Variants in CSF3 observed in about 807,000 individuals in gnomAD.
CSF3 encodes the protein colony stimulating factor 3, also known as granulocyte colony-stimulating factor.
Under a neutral mutation model 20.2 loss-of-function variants are expected in CSF3, and 17 were observed. The ratio of observed to expected loss-of-function variants is 0.84; its 90% CI spans 0.58 to 1.26. The LOEUF (loss-of-function observed/expected upper bound fraction) is 1.26. Among genes scored for constraint, CSF3 ranks in the 50% most tolerant of loss-of-function variants. The pLI, the probability that CSF3 is intolerant of heterozygous loss-of-function variation, is 0.00. For synonymous variants in CSF3, 125 were observed against 115.3 expected (o/e 1.08, Z -0.54); for missense variants, 210 against 256.0 (o/e 0.82, Z 1.23).
chr17:40,015,614 T>G, intron 1 of CSF3, 77 bp from the exon 2 acceptor site: 1 of 1,545,422 alleles, frequency 6.5e-7, no homozygotes, highest in African/African-American at 1.4e-5. Flanking sequence ...GGAATGGGGA[T>G]TAAAGGCACC....
rs1981448489 is a variant in CSF3 at position 40,017,096 on chromosome 17, C to T, written c.*137C>T. On this transcript the variant is annotated 3_prime_UTR_variant, in exon 5 of 5. Transcript: ENST00000394149. Reference sequence around the variant, plus strand: ...TCCCTGCATTTCTGAGTTTCATTCTCCTGCCTGTAGCAGTGAGAAAAAGCT... The same window carrying T: ...TCCCTGCATTTCTGAGTTTCATTCTTCTGCCTGTAGCAGTGAGAAAAAGCT... The T allele has an allele frequency of 1.2e-6, 1 of 840,700 alleles. No homozygotes were observed. 52.1% of individuals were successfully genotyped at this position (840,700 alleles called of 1,614,324 possible).
Position 40,016,353 on chromosome 17 carries a change from A to G in CSF3, c.303+13A>G, listed in dbSNP as rs924952230. On this transcript the variant is annotated intron_variant, in intron 3 of 4. Coordinates refer to ENST00000394149, the MANE Select transcript of CSF3 (RefSeq NM_172219.3). ...GGCCCTGCAGCTGGTGAGTGTCAGG[A>G]AAGGATAAGGCTAATGAGGAGGGGG... The G allele has an allele frequency of 1.2e-6, 2 of 1,611,952 alleles. No homozygotes were observed. The highest frequency in any genetic ancestry group is 8.5e-7 in the Non-Finnish European group (1 of 1,178,656).
rs1403771707 is a variant in CSF3 at position 40,017,051 on chromosome 17, G to T, written c.*92G>T. ...TAAAGACAGGGAAGAGCAGAACGGA[G>T]CCCCAGGCCTCTGTGTCCTTCCCTG... On this transcript the variant is annotated 3_prime_UTR_variant, in exon 5 of 5. Transcript: ENST00000394149. The T allele has an allele frequency of 1.9e-5, 24 of 1,254,736 alleles. No homozygotes were observed. Among genetic ancestry groups the T allele is most frequent in the Non-Finnish European group, 2.6e-5 (24 of 935,986 alleles). The allele number at this position is 1,254,736 out of a possible 1,614,324, so 77.7% of individuals were successfully genotyped here.
chr17:40,017,237 CCCTGGTCCTGAGGGTCCCCA>C lies in CSF3; in HGVS notation c.*284_*303del. 1 of 282,704 alleles carries C rather than the reference CCCTGGTCCTGAGGGTCCCCA, an allele frequency of 3.5e-6. No homozygotes were observed. The highest frequency in any genetic ancestry group is 6.5e-6 in the Non-Finnish European group (1 of 152,690). 17.5% of individuals were successfully genotyped at this position (282,704 alleles called of 1,614,324 possible). A position where few individuals can be genotyped will look rare whatever the true frequency, so the allele number is the denominator to read the frequency against. ...GGCACTGGGATGAGCCGCTGTGAGC[CCCTGGTCCTGAGGGTCCCCA>C]CCTGGGACCCTTGAGAGTATCAGGT... On this transcript the variant is annotated 3_prime_UTR_variant, in exon 5 of 5. Coordinates refer to ENST00000394149, the MANE Select transcript of CSF3 (RefSeq NM_172219.3).
In CSF3 at chr17:40,015,499, C is replaced by T; in HGVS notation, c.25C>T (p.Pro9Ser). Residue 9 changes from proline (P) to serine (S), a missense_variant, in exon 1 of 5, where the codon CCC (proline) becomes TCC (serine). Pro to Ser is a moderately conservative substitution (Grantham distance 74). Transcript: ENST00000394149. ...CATGGCTGGACCTGCCACCCAGAGC[C>T]CCATGAAGCTGATGGGTGAGTGTCT... MAGPATQS[P>S]MKLMALQLLL... 1.9e-6 allele frequency: 3 copies of T among 1,551,444 alleles called. No homozygotes were observed. The highest frequency in any genetic ancestry group is 1.7e-6 in the Non-Finnish European group (2 of 1,146,984).
chr17:40,015,939 G>A (rs2227324), intron 2 of CSF3, 94 bp downstream of exon 2: 1,340,650 of 1,468,036 alleles, frequency 0.91, 613,491 homozygotes, highest in Non-Finnish European at 0.93. Context: ...TGGAAGGGAC[G>A]TGGGAGAATA....
At position 40,017,275 on chromosome 17, in the gene CSF3, T is replaced by C. The variant is rs963226869; in HGVS notation, c.*316T>C. On this transcript the variant is annotated 3_prime_UTR_variant, in exon 5 of 5. Coordinates refer to ENST00000394149, the MANE Select transcript of CSF3 (RefSeq NM_172219.3). ...GGTCCCCACCTGGGACCCTTGAGAG[T>C]ATCAGGTCTCCCACGTGGGAGACAA... 4.8e-5 allele frequency: 10 copies of C among 209,196 alleles called. No homozygotes were observed. Among genetic ancestry groups the C allele is most frequent in the Non-Finnish European group, 8.5e-5 (9 of 105,808 alleles). 13.0% of individuals were successfully genotyped at this position (209,196 alleles called of 1,614,324 possible). A position where few individuals can be genotyped will look rare whatever the true frequency, so the allele number is the denominator to read the frequency against.
intron 4 of CSF3, 26 bp downstream of exon 4, chr17:40,016,657 A>C: frequency 6.2e-7 from 1 of 1,613,620 alleles, no homozygotes; most frequent in Non-Finnish European, 8.5e-7. Context: ...CAGGGTGGCC[A>C]AGGTCGTGCT....
intron 2 of CSF3, 175 bp downstream of exon 2, chr17:40,016,020 G>A (rs1007351327): frequency 1.3e-5 from 13 of 1,039,866 alleles, no homozygotes; most frequent in African/African-American, 4.9e-5. Flanking sequence ...GACAGTGCTC[G>A]GGAGGGCTGG....
intron 2 of CSF3, 111 bp downstream of exon 2, chr17:40,015,956 G>A: frequency 7.0e-7 from 1 of 1,424,000 alleles, no homozygotes; most frequent in Non-Finnish European, 9.4e-7. Flanking sequence ...AATATTAGGA[G>A]CAGTGGAGCT....
Position 40,017,033 on chromosome 17 carries a change from A to T in CSF3, c.*74A>T, listed in dbSNP as rs1981443697. The T allele has an allele frequency of 7.2e-7, 1 of 1,392,052 alleles. No homozygotes were observed. The highest frequency in any genetic ancestry group is 1.5e-5 in the African/African-American group (1 of 68,120). 86.2% of individuals were successfully genotyped at this position (1,392,052 alleles called of 1,614,324 possible). A position where few individuals can be genotyped will look rare whatever the true frequency, so the allele number is the denominator to read the frequency against. On this transcript the variant is annotated 3_prime_UTR_variant, in exon 5 of 5. Coordinates refer to ENST00000394149, the MANE Select transcript of CSF3 (RefSeq NM_172219.3). ...CTATTTAAGCCTCATATTTAAAGAC[A>T]GGGAAGAGCAGAACGGAGCCCCAGG...
intron 2 of CSF3, 73 bp downstream of exon 2, chr17:40,015,918 C>T: frequency 6.6e-7 from 1 of 1,512,390 alleles, no homozygotes; most frequent in South Asian, 1.3e-5. Context: ...AACTGCAGGG[C>T]CAACATCCTC....
rs904527839 is a variant in CSF3 at position 40,015,446 on chromosome 17, G to A, written c.-29G>A. 1.4e-5 allele frequency: 21 copies of A among 1,548,194 alleles called. No homozygotes were observed. In the African/African-American group the frequency reaches 1.9e-4, roughly 14 times the overall value. On this transcript the variant is annotated 5_prime_UTR_variant, in exon 1 of 5. Transcript: ENST00000394149. ...TAGAGCTGGGCCCCAAAACAGCCCG[G>A]AGCCTGCAGCCCAGCCCCACCCAGA... is the stretch of plus-strand genomic sequence containing the variant.
In CSF3 at chr17:40,016,526, C is replaced by T; in HGVS notation, c.345C>T (p.Tyr115=). ...LSQLHSGLFL[Y]QGLLQALEGI... is the part of the protein sequence containing the mutation. Reference sequence around the variant, plus strand: ...AACTCCATAGCGGCCTTTTCCTCTACCAGGGGCTCCTGCAGGCCCTGGAAG... The same window carrying T: ...AACTCCATAGCGGCCTTTTCCTCTATCAGGGGCTCCTGCAGGCCCTGGAAG... Residue 115 remains tyrosine, a synonymous_variant, in exon 4 of 5, where the codon TAC becomes TAT. Coordinates refer to ENST00000394149, the MANE Select transcript of CSF3 (RefSeq NM_172219.3). 1.2e-6 allele frequency: 2 copies of T among 1,614,196 alleles called. No homozygotes were observed. The highest frequency in any genetic ancestry group is 8.5e-7 in the Non-Finnish European group (1 of 1,180,026).
At position 40,017,274 on chromosome 17, in the gene CSF3, G is replaced by T; in HGVS notation, c.*315G>T. ...GGGTCCCCACCTGGGACCCTTGAGA[G>T]TATCAGGTCTCCCACGTGGGAGACA... On this transcript the variant is annotated 3_prime_UTR_variant, in exon 5 of 5. Coordinates refer to ENST00000394149, the MANE Select transcript of CSF3 (RefSeq NM_172219.3). The T allele has an allele frequency of 4.7e-6, 1 of 213,856 alleles. No individual in the cohort carries two copies. Among genetic ancestry groups the T allele is most frequent in the Non-Finnish European group, 9.2e-6 (1 of 108,606 alleles). The allele number at this position is 213,856 out of a possible 1,614,324, so 13.2% of individuals were successfully genotyped here. A position where few individuals can be genotyped will look rare whatever the true frequency, so the allele number is the denominator to read the frequency against.
Position 40,015,818 on chromosome 17 carries a change from C to G in CSF3, c.168C>G (p.Gly56=), listed in dbSNP as rs146352938. The G allele has an allele frequency of 4.8e-5, 77 of 1,610,768 alleles. No homozygotes were observed. In the African/African-American group the frequency reaches 9.5e-4, roughly 20 times the overall value. The change falls in exon 2 of 5, where the codon GGC becomes GGG. Residue 56 remains glycine (G), a synonymous_variant. Coordinates refer to ENST00000394149, the MANE Select transcript of CSF3 (RefSeq NM_172219.3). ...KCLEQVRKIQ[G]DGAALQEKLC... The stretch of plus-strand genomic sequence containing the variant: ...TAGAGCAAGTGAGGAAGATCCAGGG[C>G]GATGGCGCAGCGCTCCAGGAGAAGC...
At position 40,015,450 on chromosome 17, in the gene CSF3, C is replaced by G. The variant is rs954193254; in HGVS notation, c.-25C>G. 1.3e-6 allele frequency: 2 copies of G among 1,549,478 alleles called. No individual in the cohort carries two copies. The highest frequency in any genetic ancestry group is 4.9e-5 in the East Asian group (2 of 40,926). ...GCTGGGCCCCAAAACAGCCCGGAGC[C>G]TGCAGCCCAGCCCCACCCAGACCCA... On this transcript the variant is annotated 5_prime_UTR_variant, in exon 1 of 5. Transcript: ENST00000394149.
In CSF3 at chr17:40,016,949, C is replaced by A; in HGVS notation, c.605C>A (p.Ala202Asp). ...TCGTACCGCGTTCTACGCCACCTTG[C>A]CCAGCCCTGAGCCAAGCCCTCCCCA... is the stretch of plus-strand genomic sequence containing the variant. ...EVSYRVLRHL[A>D]QP is the part of the protein sequence containing the mutation. The change falls in exon 5 of 5, where the codon GCC (alanine) becomes GAC (aspartate). Residue 202 changes from alanine (A) to aspartate (D), a missense_variant. Transcript: ENST00000394149. 1 of 1,591,352 alleles carries A rather than the reference C, an allele frequency of 6.3e-7. No homozygotes were observed. The highest frequency in any genetic ancestry group is 8.6e-7 in the Non-Finnish European group (1 of 1,167,784).
chr17:40,016,539 C>G lies in CSF3; in HGVS notation c.358C>G (p.Gln120Glu). 2 of 1,614,212 alleles carry G rather than the reference C, an allele frequency of 1.2e-6. 1 individual carries two copies. The highest frequency in any genetic ancestry group is 3.3e-4 in the Middle Eastern group (2 of 6,062). The stretch of plus-strand genomic sequence containing the variant: ...CCTTTTCCTCTACCAGGGGCTCCTG[C>G]AGGCCCTGGAAGGGATCTCCCCCGA... ...SGLFLYQGLL[Q>E]ALEGISPELG... Residue 120 changes from glutamine to glutamate, a missense_variant, in exon 4 of 5, where the codon CAG (glutamine) becomes GAG (glutamate). Physicochemically the swap from Gln to Glu is conservative, Grantham distance 29 (BLOSUM62 2). Transcript: ENST00000394149.
Sources: gnomAD v4.1 joint callset for allele counts on GRCh38, gnomAD v4.1.1 for gene constraint, MANE v1.5 for transcripts, NCBI Gene and HGNC (gene_info 2026-07-23, HGNC 2026-07-21) for gene names.